MYL4: variants seen among roughly 807,000 people sequenced by gnomAD.
MYL4 encodes the protein atrial myosin light chain 1.
Under a neutral mutation model 21.6 loss-of-function variants are expected in MYL4, and 16 were observed. That is an observed-to-expected ratio of 0.74 (90% CI 0.50 to 1.12). MYL4 has a LOEUF of 1.12. Among genes scored for constraint, MYL4 ranks in the 50% most tolerant of loss-of-function variants. The pLI is 0.00. For missense variants in MYL4, 249 were observed against 252.9 expected, an observed-to-expected ratio of 0.98 and a Z score of 0.11; for synonymous variants, 82 against 95.7, an observed-to-expected ratio of 0.86 and a Z score of 0.83.
At chr17:47,192,490 A>G in the MYL4 span, among the ~76,000 whole-genome samples, 1 of 151,562 alleles carries the variant, frequency 6.6e-6, no homozygotes, top group South Asian at 2.1e-4. Context: ...TCTACTAAAA[A>G]TACAAAAAAT....
chr17:47,224,818 A>T (rs1021419552), downstream of MYL4, among the ~76,000 whole-genome samples: 1 of 152,030 alleles, frequency 6.6e-6, no homozygotes, highest in African/African-American at 2.4e-5. Flanking sequence ...TTGACTCCAG[A>T]CCCAGGATTC....
intron 1 of MYL4, among the ~76,000 whole-genome samples, chr17:47,212,146 G>GCGAAGGTCGCAGTGAGC (rs1459648257): frequency 6.6e-6 from 1 of 152,070 alleles, no homozygotes; most frequent in Non-Finnish European, 1.5e-5. Context: ...AACTTGGGAG[G>GCGAAGGTCGCAGTGAGC]CGAAGGTCGC....
chr17:47,214,252 A>G (rs553557571), intron 2 of MYL4, among the ~76,000 whole-genome samples: 11 of 152,274 alleles, frequency 7.2e-5, no homozygotes, highest in Non-Finnish European at 1.2e-4. Context: ...CTTGGCCCCA[A>G]AGATCTATCT....
At chr17:47,221,960 T>C in intron 4 of MYL4, 105 bp downstream of exon 4, 1 of 1,277,576 alleles carries the variant, frequency 7.8e-7, no homozygotes, top group South Asian at 1.5e-5. Flanking sequence ...ACAAGGGTCT[T>C]TGCATCCTGA....
chr17:47,226,998 G>A (rs910450778), downstream of MYL4, among the ~76,000 whole-genome samples: 3 of 152,216 alleles, frequency 2.0e-5, no homozygotes, highest in South Asian at 4.2e-4. Flanking sequence ...GAGATTACAG[G>A]TGCGCGCCAC....
At chr17:47,204,143 C>T (rs186196723), upstream of MYL4, among the ~76,000 whole-genome samples, 67 of 152,284 alleles carry the variant, frequency 4.4e-4, no homozygotes, top group Non-Finnish European at 1.5e-4. Context: ...TGAGTCATGG[C>T]GAGTGAGGGA....
chr17:47,221,337 C>T (rs1807034027), intron 3 of MYL4, among the ~76,000 whole-genome samples: 1 of 152,158 alleles, frequency 6.6e-6, no homozygotes, highest in Non-Finnish European at 1.5e-5. Context: ...GGCCGCGTGG[C>T]ACTTCAGACC....
upstream of MYL4, among the ~76,000 whole-genome samples, chr17:47,197,408 G>C (rs2064693497): frequency 2.0e-5 from 3 of 152,050 alleles, no homozygotes; most frequent in African/African-American, 7.2e-5. Context: ...AAATCCTTAA[G>C]GGATTTAAAG....
At chr17:47,198,301 G>A (rs2064697010), upstream of MYL4, among the ~76,000 whole-genome samples, 2 of 152,166 alleles carry the variant, frequency 1.3e-5, no homozygotes, top group Admixed American at 6.5e-5. Context: ...CCAGAAGACT[G>A]CTTACTGAGT....
chr17:47,227,131 C>T (rs954142597), downstream of MYL4, among the ~76,000 whole-genome samples: 17 of 152,222 alleles, frequency 1.1e-4, no homozygotes, highest in Non-Finnish European at 2.1e-4. Context: ...GCTGGGATTA[C>T]AGGTGTGAGC....
At chr17:47,215,644 A>G (rs187108925) in intron 2 of MYL4, among the ~76,000 whole-genome samples, 8 of 152,326 alleles carry the variant, frequency 5.3e-5, no homozygotes, top group Admixed American at 1.3e-4. Context: ...CTTATCCACA[A>G]AGTGAGGGTA....
chr17:47,189,591 G>A, the MYL4 span, among the ~76,000 whole-genome samples: 1 of 152,254 alleles, frequency 6.6e-6, no homozygotes, highest in Non-Finnish European at 1.5e-5. Context: ...CAGCGCGGGC[G>A]GGTAGCGTTA....
At chr17:47,209,663 T>G in intron 1 of MYL4, 106 bp downstream of exon 1, 8 of 1,563,594 alleles carry the variant, frequency 5.1e-6, no homozygotes, top group Non-Finnish European at 5.3e-6. Flanking sequence ...GGATGAGGAC[T>G]AGGGTGTCCA....
chr17:47,203,348 C>CTTT (rs202150259), intron 1 of MYL4, among the ~76,000 whole-genome samples: 1 of 152,054 alleles, frequency 6.6e-6, no homozygotes, highest in East Asian at 1.9e-4. Context: ...TCTTTGCCCT[C>CTTT]TTTTTTCTTC....
chr17:47,201,574 A>C (rs997387037), intron 1 of MYL4, among the ~76,000 whole-genome samples: 3 of 151,678 alleles, frequency 2.0e-5, no homozygotes, highest in Admixed American at 6.6e-5. Flanking sequence ...CTCATGCCTC[A>C]GTCTCCCAAG....
At chr17:47,217,216 G>A (rs1340744207) in intron 2 of MYL4, among the ~76,000 whole-genome samples, 1 of 152,138 alleles carries the variant, frequency 6.6e-6, no homozygotes, top group Non-Finnish European at 1.5e-5. Flanking sequence ...CAGCACTTTG[G>A]GAGGCTGAGG....
intron 1 of MYL4, among the ~76,000 whole-genome samples, chr17:47,201,749 C>G (rs1421803011): frequency 4.6e-5 from 7 of 152,184 alleles, no homozygotes; most frequent in African/African-American, 1.7e-4. Context: ...AGCCACTGCA[C>G]CTGGCCGGAT....
downstream of MYL4, among the ~76,000 whole-genome samples, chr17:47,225,855 C>CTTTTT (rs60342000): frequency 2.3e-4 from 26 of 113,250 alleles, no homozygotes; most frequent in African/African-American, 8.0e-4. Context: ...TCCTTCCCTT[C>CTTTTT]TTTTTTTTTT....
chr17:47,205,305 T>C (rs1277700727), upstream of MYL4, among the ~76,000 whole-genome samples: 2 of 152,196 alleles, frequency 1.3e-5, no homozygotes, highest in Non-Finnish European at 2.9e-5. Flanking sequence ...CCCACTGCCA[T>C]ACTTGCCTCT....
Sources: gnomAD v4.1 joint callset for allele counts (sites outside exome capture counted in the v4.1 genomes callset) on GRCh38, gnomAD v4.1.1 for gene constraint, MANE v1.5 for transcripts, NCBI Gene and HGNC (gene_info 2026-07-23, HGNC 2026-07-21) for gene names.